Variants in SAMSN1 observed in about 807,000 individuals in gnomAD.
SAMSN1 encodes the protein SAM domain-containing protein SAMSN-1.
In SAMSN1, 31 loss-of-function variants were observed where a neutral mutation model predicts 42.0. The observed-to-expected ratio is 0.74, with a 90% CI of 0.55 to 1.00. SAMSN1 has a LOEUF of 1.00. Ranked by LOEUF, SAMSN1 falls within the 50% of genes least tolerant of loss-of-function variation. The pLI, the probability that SAMSN1 is intolerant of heterozygous loss-of-function variation, is 0.00. For missense variants in SAMSN1, 464 were observed against 439.4 expected, an observed-to-expected ratio of 1.06 and a Z score of -0.50; for synonymous variants, 178 against 151.9, an observed-to-expected ratio of 1.17 and a Z score of -1.26.
chr21:14,586,520 C>G (rs1027371806), upstream of SAMSN1, among the ~76,000 whole-genome samples: 1 of 152,052 alleles, frequency 6.6e-6, no homozygotes, highest in African/African-American at 2.4e-5. Flanking sequence ...ATCTCACATT[C>G]TGGGGATATG....
intron 1 of SAMSN1, among the ~76,000 whole-genome samples, chr21:14,534,517 T>A (rs892810411): frequency 2.4e-5 from 2 of 84,896 alleles, no homozygotes; most frequent in African/African-American, 9.8e-5. Context: ...AGGGAGAGAC[T>A]TTTTTTCTTT....
chr21:14,600,729 T>C (rs1219184808), intron 6 of SAMSN1, among the ~76,000 whole-genome samples: 3 of 152,190 alleles, frequency 2.0e-5, no homozygotes, highest in African/African-American at 7.2e-5. Context: ...AAACCAGCTG[T>C]TATTTTTCTC....
At chr21:14,578,695 A>G (rs1229258134) in intron 2 of SAMSN1, among the ~76,000 whole-genome samples, 1 of 524 alleles carries the variant, frequency 1.9e-3, no homozygotes, top group Non-Finnish European at 5.8e-3. Flanking sequence ...AAAAAAAAAA[A>G]AAAAAAAAAA....
At chr21:14,592,763 T>A (rs1047731571) in intron 7 of SAMSN1, 17 of 213,004 alleles carry the variant, frequency 8.0e-5, no homozygotes, top group African/African-American at 3.7e-4. Context: ...AATGCAGAAA[T>A]ACGAATTAAG....
At chr21:14,514,251 T>C (rs1987810825) in intron 3 of SAMSN1, among the ~76,000 whole-genome samples, 1 of 152,200 alleles carries the variant, frequency 6.6e-6, no homozygotes, top group Non-Finnish European at 1.5e-5. Context: ...CAGATTTACG[T>C]TGCAGTCTAA....
chr21:14,627,760 A>C (rs1039386021), intron 2 of SAMSN1, among the ~76,000 whole-genome samples: 2 of 152,226 alleles, frequency 1.3e-5, no homozygotes, highest in African/African-American at 4.8e-5. Flanking sequence ...ACATCAAATC[A>C]AAAACAAAAA....
chr21:14,583,770 T>G, upstream of SAMSN1: 2 of 717,900 alleles, frequency 2.8e-6, no homozygotes, highest in South Asian at 3.0e-5. Flanking sequence ...CTGCCTGATT[T>G]TATGGCCTAG....
At chr21:14,493,119 C>CAG (rs952580203) in intron 7 of SAMSN1, among the ~76,000 whole-genome samples, 7 of 152,116 alleles carry the variant, frequency 4.6e-5, no homozygotes, top group African/African-American at 1.4e-4. Flanking sequence ...CTTGGGCAGG[C>CAG]AGGCAGGCAG....
At chr21:14,512,828 G>T (rs1007312538) in intron 3 of SAMSN1, among the ~76,000 whole-genome samples, 15 of 152,032 alleles carry the variant, frequency 9.9e-5, no homozygotes, top group Non-Finnish European at 2.1e-4. Context: ...TTACAAACTA[G>T]GATGAATATC....
rs148644917 is a variant in SAMSN1 at position 14,581,649 on chromosome 21, C to T, written c.261+487G>A. 3.7e-3 allele frequency among the ~76,000 whole-genome samples: 554 copies of T among 151,674 alleles called. 2 individuals carry two copies. The highest frequency in any genetic ancestry group is 0.011 in the African/African-American group (447 of 41,384). ...TGCTGGGATTACAGGCATGAGCCAC[C>T]GTGCCTGGCCAAAAATAATATTTCT... On this transcript the variant is annotated intron_variant, in intron 2 of 8. Coordinates refer to the SAMSN1 transcript ENST00000285670.
Position 14,510,299 on chromosome 21 carries a change from T to A in SAMSN1, c.561+11A>T. On this transcript the variant is annotated intron_variant, in intron 5 of 7. Coordinates refer to ENST00000400566, the MANE Select transcript of SAMSN1 (RefSeq NM_022136.5). ...AGACCATTCAGAAGGTGGGATATGA[T>A]GTCCTCTCACCTTGATTTTGAGGGA... The A allele has an allele frequency of 6.2e-7, 1 of 1,613,872 alleles. No individual in the cohort carries two copies. The highest frequency in any genetic ancestry group is 8.5e-7 in the Non-Finnish European group (1 of 1,179,734).
At chr21:14,517,974 G>T (rs1282228785) in intron 2 of SAMSN1, among the ~76,000 whole-genome samples, 1 of 152,178 alleles carries the variant, frequency 6.6e-6, no homozygotes, top group African/African-American at 2.4e-5. Context: ...CTTGGGAGCA[G>T]TTTGTGCTTT....
At chr21:14,513,555 T>C (rs1005854408) in intron 3 of SAMSN1, among the ~76,000 whole-genome samples, 1 of 151,966 alleles carries the variant, frequency 6.6e-6, no homozygotes. Flanking sequence ...TTTGGGGAGG[T>C]GTGTCTAAAC....
chr21:14,622,709 AAGG>A (rs1231372668), intron 2 of SAMSN1, among the ~76,000 whole-genome samples: 2 of 152,176 alleles, frequency 1.3e-5, no homozygotes, highest in Non-Finnish European at 2.9e-5. Context: ...GGATATTATC[AAGG>A]AGAACTTCCC....
At chr21:14,576,186 G>A (rs1474153254) in intron 2 of SAMSN1, among the ~76,000 whole-genome samples, 1 of 152,060 alleles carries the variant, frequency 6.6e-6, no homozygotes, top group East Asian at 1.9e-4. Flanking sequence ...GTTTGTGAGG[G>A]GAGCAGGGAC....
intron 2 of SAMSN1, among the ~76,000 whole-genome samples, chr21:14,637,824 G>T (rs9974645): frequency 1.3e-5 from 2 of 152,110 alleles, no homozygotes; most frequent in African/African-American, 4.8e-5. Context: ...GCCTGGGGCC[G>T]GCTTAACACA....
At chr21:14,510,262 T>A in intron 5 of SAMSN1, 48 bp downstream of exon 5, 2 of 1,576,548 alleles carry the variant, frequency 1.3e-6, no homozygotes, top group Non-Finnish European at 1.7e-6. Flanking sequence ...GATCATATAA[T>A]CAGCATTTGA....
At chr21:14,503,110 G>C (rs1353651444) in intron 5 of SAMSN1, among the ~76,000 whole-genome samples, 1 of 152,116 alleles carries the variant, frequency 6.6e-6, no homozygotes, top group Non-Finnish European at 1.5e-5. Context: ...TCACACTCAT[G>C]ATTATGTTAC....
chr21:14,547,973 A>G (rs895890325), upstream of SAMSN1, among the ~76,000 whole-genome samples: 1 of 152,174 alleles, frequency 6.6e-6, no homozygotes, highest in Admixed American at 6.6e-5. Context: ...GACAGAGAAC[A>G]CTGGAAAACC....
Sources: allele counts gnomAD v4.1 joint callset (sites outside exome capture counted in the v4.1 genomes callset), GRCh38; gene constraint gnomAD v4.1.1; transcripts MANE v1.5; gene names NCBI Gene and HGNC (gene_info 2026-07-23, HGNC 2026-07-21).